The following TASP1 variants were observed in gnomAD, a reference collection of about 807,000 sequenced individuals.
TASP1 encodes the protein taspase 1.
A neutral mutation model predicts 56.6 loss-of-function variants in TASP1; 16 were observed. That is an observed-to-expected ratio of 0.28 (90% confidence interval 0.19 to 0.43). The LOEUF (loss-of-function observed/expected upper bound fraction) is 0.43, where lower values mean the gene tolerates loss of function less well. TASP1 is among the 20% of genes least tolerant of loss of function. The pLI, the probability that TASP1 is intolerant of heterozygous loss-of-function variation, is 1.00. For synonymous variants in TASP1, 179 were observed against 184.2 expected (o/e 0.97, Z 0.23); for missense variants, 393 against 511.6 (o/e 0.77, Z 2.24).
At chr20:13,565,079 T>A (rs2046478638) in intron 7 of TASP1, among the ~76,000 whole-genome samples, 1 of 151,218 alleles carries the variant, frequency 6.6e-6, no homozygotes, top group Non-Finnish European at 1.5e-5. Context: ...ATTAAAGAGT[T>A]CAAAAATAAA....
chr20:13,552,190 C>T (rs1236086123), intron 8 of TASP1, among the ~76,000 whole-genome samples: 1 of 152,144 alleles, frequency 6.6e-6, no homozygotes, highest in Admixed American at 6.6e-5. Flanking sequence ...TGAGTAACTG[C>T]ATGAAATATA....
At chr20:13,116,900 C>T in the TASP1 span, among the ~76,000 whole-genome samples, 4 of 144,208 alleles carry the variant, frequency 2.8e-5, no homozygotes, top group African/African-American at 9.9e-5. Flanking sequence ...GATGTTCACT[C>T]AACTTTCTGT....
intron 7 of TASP1, among the ~76,000 whole-genome samples, chr20:13,568,285 G>A (rs1258817566): frequency 2.6e-5 from 4 of 152,074 alleles, no homozygotes; most frequent in African/African-American, 9.7e-5. Flanking sequence ...GTAGCTGAGA[G>A]TACAGGAGTG....
the TASP1 span, among the ~76,000 whole-genome samples, chr20:13,118,325 G>A: frequency 6.6e-6 from 1 of 151,536 alleles, no homozygotes; most frequent in African/African-American, 2.4e-5. Flanking sequence ...TACACCATAG[G>A]TCAAATCCTG....
At chr20:13,537,858 A>G (rs2045472511) in intron 8 of TASP1, among the ~76,000 whole-genome samples, 3 of 152,204 alleles carry the variant, frequency 2.0e-5, no homozygotes. Context: ...GTTATTATAT[A>G]GTTATTATAA....
At position 13,611,788 on chromosome 20, in the gene TASP1, G is replaced by A. The variant is rs528125648; in HGVS notation, c.282+11658C>T. On this transcript the variant is annotated intron_variant, in intron 4 of 13. Transcript: ENST00000337743. Reference sequence around the variant, plus strand: ...TGGGAGATTGTAGCCCTGGGAGAATGCATGCTCCATGTGGCCAGATCTCAT... The same window carrying A: ...TGGGAGATTGTAGCCCTGGGAGAATACATGCTCCATGTGGCCAGATCTCAT... 2.0e-5 allele frequency among the ~76,000 whole-genome samples: 3 copies of A among 152,262 alleles called. No individual in the cohort carries two copies. In the South Asian group the frequency reaches 6.2e-4, roughly 32 times the overall value.
At chr20:13,219,450 C>G in the TASP1 span, among the ~76,000 whole-genome samples, 3 of 151,252 alleles carry the variant, frequency 2.0e-5, no homozygotes, top group Non-Finnish European at 4.4e-5. Flanking sequence ...CGTTTCCCCC[C>G]ACTCCCCCCG....
chr20:13,636,174 C>A (rs2049300753), intron 1 of TASP1, among the ~76,000 whole-genome samples: 1 of 121,880 alleles, frequency 8.2e-6, no homozygotes, highest in Non-Finnish European at 1.6e-5. Flanking sequence ...GAGACAGAGT[C>A]TCACTCTGTC....
In TASP1 at chr20:13,479,010, G is replaced by A. The variant is rs184579692; in HGVS notation, c.985+4217C>T. On this transcript the variant is annotated intron_variant, in intron 11 of 13. Transcript: ENST00000337743. ...AGCATTAAGCTATGTTAAGTGGAAA[G>A]CATATTGCAAAACAATACATTAAAA... 3.3e-3 allele frequency among the ~76,000 whole-genome samples: 495 copies of A among 152,130 alleles called. 2 individuals are homozygous for A. The highest frequency in any genetic ancestry group is 0.012 in the East Asian group (60 of 5,172).
chr20:13,132,794 A>T, the TASP1 span: 2 of 152,064 alleles, frequency 1.3e-5, no homozygotes, highest in Non-Finnish European at 2.9e-5. Context: ...CTCTCATCCT[A>T]AAAAGACTTT....
the TASP1 span, among the ~76,000 whole-genome samples, chr20:13,218,244 G>A: frequency 7.1e-6 from 1 of 140,618 alleles, no homozygotes; most frequent in Non-Finnish European, 1.5e-5. Flanking sequence ...GAGTGACTCT[G>A]TCAAAAAAAA....
chr20:13,499,808 TA>T (rs1180606902), intron 10 of TASP1, among the ~76,000 whole-genome samples: 6 of 152,120 alleles, frequency 3.9e-5, no homozygotes, highest in Non-Finnish European at 7.4e-5. Context: ...TAAAAAATAA[TA>T]AAAATCACAC....
At position 13,580,986 on chromosome 20, in the gene TASP1, A is replaced by AG; in HGVS notation, c.404-6_404-5insC. The AG allele has an allele frequency of 1.7e-6, 1 of 578,408 alleles. No homozygotes were observed. The highest frequency in any genetic ancestry group is 4.1e-5 in the African/African-American group (1 of 24,214). The allele number at this position is 578,408 out of a possible 1,614,324, so 35.8% of individuals were successfully genotyped here. On this transcript the variant is annotated splice_region_variant and splice_polypyrimidine_tract_variant and intron_variant, in intron 5 of 13. Coordinates refer to ENST00000337743, the MANE Select transcript of TASP1 (RefSeq NM_017714.3). The stretch of plus-strand genomic sequence containing the variant: ...CCGAGACTGGGTTCTTGATTCCTAT[A>AG]AAAAAAAAAAAAAAATTGGCAAAAA...
intron 4 of TASP1, among the ~76,000 whole-genome samples, chr20:13,609,686 CAAAAAAA>C (rs71188167): frequency 4.2e-4 from 21 of 49,976 alleles, no homozygotes; most frequent in Middle Eastern, 0.012. Context: ...AACTCTGTCT[CAAAAAAA>C]AAAAAAAAAA....
chr20:13,579,416 T>C (rs1166742926), intron 6 of TASP1, among the ~76,000 whole-genome samples: 1 of 152,084 alleles, frequency 6.6e-6, no homozygotes, highest in Admixed American at 6.6e-5. Context: ...TTGGCCAGGC[T>C]AGAGTGAAGT....
At chr20:13,250,510 A>G in the TASP1 span, among the ~76,000 whole-genome samples, 1 of 152,240 alleles carries the variant, frequency 6.6e-6, no homozygotes, top group African/African-American at 2.4e-5. Flanking sequence ...ACAGTTAAGC[A>G]TGCCAGGCAG....
At chr20:13,294,975 C>G in the TASP1 span, among the ~76,000 whole-genome samples, 1 of 152,120 alleles carries the variant, frequency 6.6e-6, no homozygotes, top group Non-Finnish European at 1.5e-5. Context: ...TTTCGCCAGG[C>G]CTTTCTGAGT....
At chr20:13,609,750 C>A (rs1045535800) in intron 4 of TASP1, among the ~76,000 whole-genome samples, 1 of 148,878 alleles carries the variant, frequency 6.7e-6, no homozygotes, top group African/African-American at 2.5e-5. Context: ...AGCAATTTCA[C>A]TTCTAGGTAT....
At chr20:13,495,907 A>G (rs950611865) in intron 10 of TASP1, among the ~76,000 whole-genome samples, 20 of 152,350 alleles carry the variant, frequency 1.3e-4, no homozygotes, top group African/African-American at 4.1e-4. Context: ...GTCTCAGGAA[A>G]TTCACAGAAT....
Sources: gnomAD v4.1 joint callset for allele counts (sites outside exome capture counted in the v4.1 genomes callset) on GRCh38, gnomAD v4.1.1 for gene constraint, MANE v1.5 for transcripts, NCBI Gene and HGNC (gene_info 2026-07-23, HGNC 2026-07-21) for gene names.